The following MDGA2 variants were observed in gnomAD, a reference collection of about 807,000 sequenced individuals.
The protein encoded by MDGA2 is MAM domain containing glycosylphosphatidylinositol anchor 2.
In MDGA2, 40 loss-of-function variants were observed where a neutral mutation model predicts 117.8. The ratio of observed to expected loss-of-function variants is 0.34; its 90% CI spans 0.26 to 0.44. The LOEUF is 0.44. Among genes scored for constraint, MDGA2 ranks in the 20% least tolerant of loss-of-function variants. MDGA2 has a pLI of 1.00. For synonymous variants in MDGA2, 452 were observed against 439.0 expected (o/e 1.03, Z -0.37); for missense variants, 1,123 against 1,250.6 (o/e 0.90, Z 1.54).
At chr14:47,171,927 C>T (rs888499774) in intron 3 of MDGA2, among the ~76,000 whole-genome samples, 11 of 152,088 alleles carry the variant, frequency 7.2e-5, no homozygotes, top group African/African-American at 2.2e-4. Context: ...CCTGGAATAT[C>T]GGGTCATTCC....
chr14:46,960,680 C>A (rs1405947807), intron 8 of MDGA2: 1 of 151,052 alleles, frequency 6.6e-6, no homozygotes, highest in Non-Finnish European at 1.5e-5. Flanking sequence ...CACACATATA[C>A]ATACATATGT....
chr14:47,402,157 G>A (rs1892162666), intron 1 of MDGA2, among the ~76,000 whole-genome samples: 1 of 152,088 alleles, frequency 6.6e-6, no homozygotes, highest in Non-Finnish European at 1.5e-5. Flanking sequence ...GGTAGTATTA[G>A]CACATCTTTA....
intron 1 of MDGA2, among the ~76,000 whole-genome samples, chr14:47,447,289 T>C (rs1467485101): frequency 6.6e-6 from 1 of 152,118 alleles, no homozygotes; most frequent in Non-Finnish European, 1.5e-5. Flanking sequence ...AAGGTCAGGC[T>C]CTTATCTCAC....
At chr14:47,077,160 G>A (rs750406351) in intron 6 of MDGA2, among the ~76,000 whole-genome samples, 6 of 151,988 alleles carry the variant, frequency 3.9e-5, no homozygotes, top group African/African-American at 2.4e-5. Context: ...GTTAGGCGCT[G>A]GATTCCTTTT....
chr14:47,573,057 T>A (rs758094955), intron 1 of MDGA2, among the ~76,000 whole-genome samples: 1 of 152,140 alleles, frequency 6.6e-6, no homozygotes, highest in African/African-American at 2.4e-5. Context: ...AGCAGATCCC[T>A]ATGAAACAAT....
In MDGA2 at chr14:47,172,525, AC is replaced by A. The variant is rs1329256110; in HGVS notation, c.596-28252del. On this transcript the variant is annotated intron_variant, in intron 3 of 16. Coordinates refer to ENST00000399232, the MANE Select transcript of MDGA2 (RefSeq NM_001113498.3). Reference sequence around the variant, plus strand: ...CTGTTCTGCAGCCACCGCTGCTGATACCCAAGCAAACAGGGTTTGGAGTGGA... The same window carrying A: ...CTGTTCTGCAGCCACCGCTGCTGATACCAAGCAAACAGGGTTTGGAGTGGA... Among the ~76,000 whole-genome samples, 13 of 152,294 alleles carry A rather than the reference AC, an allele frequency of 8.5e-5. No homozygotes were observed. In the South Asian group the frequency reaches 2.3e-3, roughly 27 times the overall value.
chr14:47,095,647 T>C (rs911099227), intron 6 of MDGA2, among the ~76,000 whole-genome samples: 2 of 151,954 alleles, frequency 1.3e-5, no homozygotes, highest in African/African-American at 2.4e-5. Context: ...CATATGTACA[T>C]ATAATAAATA....
At chr14:47,636,908 G>C (rs1270150053) in intron 1 of MDGA2, among the ~76,000 whole-genome samples, 1 of 149,228 alleles carries the variant, frequency 6.7e-6, no homozygotes, top group East Asian at 2.0e-4. Context: ...GGAAATGAAC[G>C]TTACAGTGAG....
chr14:47,190,633 T>C (rs1428200721), intron 3 of MDGA2, among the ~76,000 whole-genome samples: 2 of 152,164 alleles, frequency 1.3e-5, no homozygotes, highest in Non-Finnish European at 1.5e-5. Flanking sequence ...CTGTACAACA[T>C]GTAACATTTA....
intron 1 of MDGA2, among the ~76,000 whole-genome samples, chr14:47,404,499 A>T (rs1266595990): frequency 1.4e-5 from 1 of 70,132 alleles, no homozygotes; most frequent in Non-Finnish European, 3.2e-5. Context: ...ACCAAGTTTA[A>T]AAAAAAAAAA....
At chr14:47,613,994 T>G (rs1241103307) in intron 1 of MDGA2, among the ~76,000 whole-genome samples, 2 of 152,058 alleles carry the variant, frequency 1.3e-5, no homozygotes, top group African/African-American at 4.8e-5. Context: ...TATAGATTAT[T>G]TAGAAGTTAT....
chr14:47,632,940 T>A (rs965126094), intron 1 of MDGA2, among the ~76,000 whole-genome samples: 1 of 152,228 alleles, frequency 6.6e-6, no homozygotes, highest in African/African-American at 2.4e-5. Context: ...TTAACTTCTC[T>A]AATTTGCAAC....
At chr14:47,494,943 A>G (rs1041683680) in intron 1 of MDGA2, among the ~76,000 whole-genome samples, 1 of 150,926 alleles carries the variant, frequency 6.6e-6, no homozygotes, top group Non-Finnish European at 1.5e-5. Context: ...ACATATACAC[A>G]CACATATATA....
intron 14 of MDGA2, among the ~76,000 whole-genome samples, chr14:46,868,551 T>G (rs973894451): frequency 6.6e-6 from 1 of 151,984 alleles, no homozygotes; most frequent in Non-Finnish European, 1.5e-5. Flanking sequence ...GCATATATCC[T>G]TGAGGTCCTG....
chr14:47,641,887 C>A (rs982430123), intron 1 of MDGA2, among the ~76,000 whole-genome samples: 10 of 151,876 alleles, frequency 6.6e-5, no homozygotes, highest in African/African-American at 2.4e-4. Context: ...GGAAGAGATG[C>A]AAGGATAGGA....
chr14:47,312,579 C>T (rs528247919), intron 1 of MDGA2, among the ~76,000 whole-genome samples: 6 of 151,892 alleles, frequency 4.0e-5, no homozygotes, highest in African/African-American at 9.7e-5. Context: ...CACAAATCAC[C>T]GTAACCTGTA....
chr14:46,926,256 A>G (rs1443341611), intron 9 of MDGA2, among the ~76,000 whole-genome samples: 6 of 152,156 alleles, frequency 3.9e-5, no homozygotes, highest in Non-Finnish European at 8.8e-5. Flanking sequence ...AAATAATTGG[A>G]TAGGAACCAA....
At chr14:47,310,355 G>C (rs1471284831) in intron 1 of MDGA2, among the ~76,000 whole-genome samples, 2 of 152,118 alleles carry the variant, frequency 1.3e-5, no homozygotes, top group African/African-American at 4.8e-5. Context: ...GTCACGCATA[G>C]CCATCGGTCA....
intron 8 of MDGA2, among the ~76,000 whole-genome samples, chr14:47,010,725 C>T (rs1887869762): frequency 6.6e-6 from 1 of 151,982 alleles, no homozygotes; most frequent in Non-Finnish European, 1.5e-5. Flanking sequence ...AGTGTCCCCA[C>T]CTATGTAATT....
Sources: gnomAD v4.1 joint callset for allele counts (sites outside exome capture counted in the v4.1 genomes callset) on GRCh38, gnomAD v4.1.1 for gene constraint, MANE v1.5 for transcripts, NCBI Gene and HGNC (gene_info 2026-07-23, HGNC 2026-07-21) for gene names.